The following NEGR1 variants were observed in gnomAD, a reference collection of about 807,000 sequenced individuals.
NEGR1 encodes IgLON family member 4.
In NEGR1, 10 loss-of-function variants were observed where a neutral mutation model predicts 40.9. The ratio of observed to expected loss-of-function variants is 0.24; its 90% CI spans 0.15 to 0.42. The LOEUF (loss-of-function observed/expected upper bound fraction) is 0.42, where lower values mean the gene tolerates loss of function less well. Among genes scored for constraint, NEGR1 ranks in the 10% least tolerant of loss-of-function variants. The pLI is 1.00. For synonymous variants in NEGR1, 185 were observed against 166.8 expected (o/e 1.11, Z -0.84); for missense variants, 352 against 438.9 (o/e 0.80, Z 1.77).
chr1:71,806,705 T>G (rs1657782781), intron 2 of NEGR1, among the ~76,000 whole-genome samples: 1 of 152,116 alleles, frequency 6.6e-6, no homozygotes, highest in African/African-American at 2.4e-5. Context: ...GGCAATAATC[T>G]TATTCTAATA....
chr1:72,267,128 C>T (rs1655673028), intron 1 of NEGR1, among the ~76,000 whole-genome samples: 1 of 150,850 alleles, frequency 6.6e-6, no homozygotes, highest in South Asian at 2.1e-4. Flanking sequence ...TTTTTTAATT[C>T]TTAGAACCTA....
intron 2 of NEGR1, among the ~76,000 whole-genome samples, chr1:71,918,269 C>T (rs1170282199): frequency 1.3e-5 from 1 of 75,108 alleles, no homozygotes; most frequent in Non-Finnish European, 2.7e-5. Flanking sequence ...AGAAGAAGAA[C>T]ACATCATACT....
At chr1:72,137,216 T>C (rs1352476829) in intron 1 of NEGR1, among the ~76,000 whole-genome samples, 1 of 152,048 alleles carries the variant, frequency 6.6e-6, no homozygotes, top group Non-Finnish European at 1.5e-5. Context: ...GAACAAGAAA[T>C]ACCATTTGAC....
chr1:71,908,223 A>G (rs1355377071), intron 2 of NEGR1, among the ~76,000 whole-genome samples: 7 of 152,194 alleles, frequency 4.6e-5, no homozygotes, highest in African/African-American at 7.2e-5. Context: ...ACAAAAAAAA[A>G]AAAAAGAATA....
intron 1 of NEGR1, among the ~76,000 whole-genome samples, chr1:71,988,795 G>A (rs1646425208): frequency 1.3e-5 from 2 of 151,454 alleles, no homozygotes; most frequent in Admixed American, 1.3e-4. Flanking sequence ...CTGCCACAGT[G>A]ACATATGGTT....
chr1:72,034,013 T>C (rs1224813380), intron 1 of NEGR1, among the ~76,000 whole-genome samples: 1 of 152,194 alleles, frequency 6.6e-6, no homozygotes. Flanking sequence ...TGTCCTCTTT[T>C]TAAAGAATTC....
At chr1:71,569,586 T>C (rs1648746184) in intron 6 of NEGR1, among the ~76,000 whole-genome samples, 1 of 152,236 alleles carries the variant, frequency 6.6e-6, no homozygotes, top group Non-Finnish European at 1.5e-5. Context: ...TTTAAAGTTT[T>C]AAAGTTTATT....
intron 2 of NEGR1, among the ~76,000 whole-genome samples, chr1:71,809,961 T>C: frequency 6.6e-6 from 1 of 151,870 alleles, no homozygotes; most frequent in East Asian, 1.9e-4. Context: ...CTCAGACAAA[T>C]GGTAATTGTC....
intron 5 of NEGR1, among the ~76,000 whole-genome samples, chr1:71,599,882 C>G (rs751376526): frequency 1.3e-5 from 2 of 152,122 alleles, no homozygotes; most frequent in Non-Finnish European, 2.9e-5. Context: ...AGATGTCAAG[C>G]CTCCCTGACT....
chr1:71,736,030 A>G (rs75953574), intron 3 of NEGR1, among the ~76,000 whole-genome samples: 206 of 152,044 alleles, frequency 1.4e-3, no homozygotes, highest in African/African-American at 4.7e-3. Flanking sequence ...ACACTTCACA[A>G]CCTCCCTAGA....
chr1:72,131,971 T>A (rs12750634), intron 1 of NEGR1, among the ~76,000 whole-genome samples: 63,116 of 151,812 alleles, frequency 0.42, 14,313 homozygotes, highest in Admixed American at 0.55. Context: ...TGGTAGCACA[T>A]GCCTATAGAG....
chr1:71,745,296 A>G (rs1178044459), intron 3 of NEGR1, among the ~76,000 whole-genome samples: 5 of 152,270 alleles, frequency 3.3e-5, no homozygotes, highest in East Asian at 3.9e-4. Context: ...CCATCTATAC[A>G]TGCTTCCAGT....
intron 1 of NEGR1, among the ~76,000 whole-genome samples, chr1:72,077,282 G>A (rs998988883): frequency 1.3e-5 from 2 of 152,084 alleles, no homozygotes; most frequent in African/African-American, 2.4e-5. Context: ...TCATCAATGT[G>A]TTGAAGATGG....
chr1:72,083,528 CTGTT>C (rs1304542819), intron 1 of NEGR1, among the ~76,000 whole-genome samples: 1 of 152,004 alleles, frequency 6.6e-6, no homozygotes, highest in South Asian at 2.1e-4. Flanking sequence ...CCAGCTCTCT[CTGTT>C]TGTCTTTAAA....
At chr1:72,057,394 A>T (rs1400109113) in intron 1 of NEGR1, among the ~76,000 whole-genome samples, 1 of 151,562 alleles carries the variant, frequency 6.6e-6, no homozygotes, top group Non-Finnish European at 1.5e-5. Context: ...ATTCTCATAC[A>T]TTTAAATGCT....
At chr1:72,081,506 T>A (rs1647995275) in intron 1 of NEGR1, among the ~76,000 whole-genome samples, 1 of 152,122 alleles carries the variant, frequency 6.6e-6, no homozygotes, top group South Asian at 2.1e-4. Context: ...TGCCACATTT[T>A]AAAGTTATAT....
intron 1 of NEGR1, among the ~76,000 whole-genome samples, chr1:72,234,220 G>A (rs571140642): frequency 1.0e-3 from 157 of 152,132 alleles, no homozygotes; most frequent in African/African-American, 3.5e-3. Context: ...CCACTAGTAA[G>A]CGAGAACATG....
intron 2 of NEGR1, among the ~76,000 whole-genome samples, chr1:71,928,367 T>C (rs138982586): frequency 0.013 from 1,286 of 102,734 alleles, 200 homozygotes; most frequent in African/African-American, 0.047. Flanking sequence ...TATATACACA[T>C]ATGTATATAT....
intron 6 of NEGR1, among the ~76,000 whole-genome samples, chr1:71,525,268 A>G (rs749020531): frequency 1.1e-4 from 17 of 151,680 alleles, no homozygotes; most frequent in Admixed American, 3.9e-4. Flanking sequence ...CTGGTAAACC[A>G]GAAATAATTA....
Sources: gnomAD v4.1 joint callset for allele counts (sites outside exome capture counted in the v4.1 genomes callset) on GRCh38, gnomAD v4.1.1 for gene constraint, MANE v1.5 for transcripts, NCBI Gene and HGNC (gene_info 2026-07-23, HGNC 2026-07-21) for gene names.